The following ROBO2 variants were observed in gnomAD, a reference collection of about 807,000 sequenced individuals.
ROBO2 encodes the protein roundabout guidance receptor 2, also known as roundabout homolog 2.
A neutral mutation model predicts 160.8 loss-of-function variants in ROBO2; 53 were observed. That is an observed-to-expected ratio of 0.33 (90% CI 0.26 to 0.41). The LOEUF is 0.41. Ranked by LOEUF, ROBO2 falls within the 10% of genes least tolerant of loss-of-function variation. The pLI is 1.00. For synonymous variants in ROBO2, 664 were observed against 611.7 expected, an observed-to-expected ratio of 1.09 and a Z score of -1.26; for missense variants, 1,577 against 1,722.4, an observed-to-expected ratio of 0.92 and a Z score of 1.49.
intron 2 of ROBO2, chr3:76,434,724 G>A: frequency 9.3e-7 from 1 of 1,077,840 alleles, no homozygotes. Flanking sequence ...TCCTCCCCCA[G>A]TCTCTACCAG....
intron 2 of ROBO2, among the ~76,000 whole-genome samples, chr3:77,032,992 G>T (rs1271335250): frequency 6.6e-6 from 1 of 152,154 alleles, no homozygotes; most frequent in Non-Finnish European, 1.5e-5. Flanking sequence ...CATGATAGAG[G>T]ATTATTAGTA....
chr3:76,832,715 G>A (rs2067195909), intron 2 of ROBO2, among the ~76,000 whole-genome samples: 1 of 152,150 alleles, frequency 6.6e-6, no homozygotes, highest in African/African-American at 2.4e-5. Flanking sequence ...CTGGGTGTAT[G>A]TGGGGAGGTC....
intron 2 of ROBO2, among the ~76,000 whole-genome samples, chr3:76,227,092 G>A (rs4855977): frequency 0.89 from 134,518 of 151,948 alleles, 59,717 homozygotes; most frequent in East Asian, 0.96. Context: ...GCTCACTACA[G>A]TGAATCTGGA....
chr3:76,050,761 T>G (rs2067629068), intron 2 of ROBO2, among the ~76,000 whole-genome samples: 1 of 152,152 alleles, frequency 6.6e-6, no homozygotes, highest in Admixed American at 6.5e-5. Flanking sequence ...AATGCCTTCT[T>G]CCCTCCTACA....
At chr3:77,355,129 A>T (rs1206986856) in intron 2 of ROBO2, among the ~76,000 whole-genome samples, 1 of 151,116 alleles carries the variant, frequency 6.6e-6, no homozygotes, top group African/African-American at 2.4e-5. Context: ...TCCCATCCCC[A>T]TACCCTAGGA....
At chr3:75,930,115 T>G (rs1179893240) in intron 1 of ROBO2, among the ~76,000 whole-genome samples, 1 of 152,192 alleles carries the variant, frequency 6.6e-6, no homozygotes, top group Non-Finnish European at 1.5e-5. Flanking sequence ...TGTTCCCCAT[T>G]TTTTGACATC....
rs915724715 is a variant in ROBO2 at position 77,488,629 on chromosome 3, A to G, written c.668-4615A>G. On this transcript the variant is annotated intron_variant, in intron 4 of 25. Coordinates refer to ENST00000461745, the Ensembl canonical transcript of ROBO2. Reference sequence around the variant, plus strand: ...TATCAATGTATTGGATGGTTTTATTATCAACTTACTTTCTAATCCACCTAG... The same window carrying G: ...TATCAATGTATTGGATGGTTTTATTGTCAACTTACTTTCTAATCCACCTAG... Among the ~76,000 whole-genome samples the G allele has an allele frequency of 2.6e-5, 4 of 152,278 alleles. No homozygotes were observed. The South Asian group carries it at 8.3e-4, about 32-fold the overall frequency.
At chr3:77,572,031 G>A (rs1043796675) in intron 13 of ROBO2, among the ~76,000 whole-genome samples, 2 of 151,892 alleles carry the variant, frequency 1.3e-5, no homozygotes, top group Non-Finnish European at 2.9e-5. Flanking sequence ...ATGTTTTGTG[G>A]TAAACATTAG....
intron 5 of ROBO2, among the ~76,000 whole-genome samples, chr3:77,518,475 A>G (rs554320375): frequency 6.1e-4 from 92 of 151,674 alleles, no homozygotes; most frequent in Middle Eastern, 6.8e-3. Flanking sequence ...TTTTTAAATT[A>G]CAACATCCCA....
intron 1 of ROBO2, among the ~76,000 whole-genome samples, chr3:75,918,774 A>G (rs866981415): frequency 4.0e-5 from 6 of 151,712 alleles, no homozygotes; most frequent in African/African-American, 1.5e-4. Flanking sequence ...ATTCCTACGT[A>G]TTTTGTTTTC....
chr3:76,125,059 C>G (rs1294506141), intron 2 of ROBO2, among the ~76,000 whole-genome samples: 1 of 152,060 alleles, frequency 6.6e-6, no homozygotes, highest in Non-Finnish European at 1.5e-5. Flanking sequence ...CACGTGTGTT[C>G]AGTATTTAGC....
At chr3:77,248,887 T>C (rs1168738874) in intron 2 of ROBO2, among the ~76,000 whole-genome samples, 1 of 152,108 alleles carries the variant, frequency 6.6e-6, no homozygotes. Flanking sequence ...GTCATTACTT[T>C]TATTTTTTAA....
intron 2 of ROBO2, among the ~76,000 whole-genome samples, chr3:76,782,386 A>G (rs111785508): frequency 2.7e-5 from 4 of 150,690 alleles, no homozygotes; most frequent in Non-Finnish European, 4.5e-5. Context: ...AAACTTTTAT[A>G]TATGTCTATT....
chr3:77,252,831 A>AAAATATATATATATATATATAT, intron 2 of ROBO2, among the ~76,000 whole-genome samples: 4 of 12,510 alleles, frequency 3.2e-4, no homozygotes, highest in Non-Finnish European at 6.4e-4. Flanking sequence ...AAAAAAAAAA[A>AAAATATATATATATATATATAT]ATATATATAT....
chr3:77,072,216 C>G (rs956661188), intron 1 of ROBO2, among the ~76,000 whole-genome samples: 3 of 152,134 alleles, frequency 2.0e-5, no homozygotes, highest in African/African-American at 4.8e-5. Flanking sequence ...CCCATCCCCC[C>G]AGATGGGACT....
chr3:76,611,922 C>T (rs1206073007), intron 2 of ROBO2, among the ~76,000 whole-genome samples: 1 of 152,070 alleles, frequency 6.6e-6, no homozygotes, highest in African/African-American at 2.4e-5. Flanking sequence ...CTTGGTACTA[C>T]TTTTGCAGTA....
intron 23 of ROBO2, among the ~76,000 whole-genome samples, chr3:77,628,931 G>A (rs1225457055): frequency 6.6e-6 from 1 of 152,170 alleles, no homozygotes; most frequent in African/African-American, 2.4e-5. Flanking sequence ...CTTACAAGAA[G>A]TACAAAAGAA....
intron 2 of ROBO2, among the ~76,000 whole-genome samples, chr3:76,909,600 C>A (rs931732654): frequency 6.6e-6 from 1 of 152,202 alleles, no homozygotes; most frequent in African/African-American, 2.4e-5. Flanking sequence ...CTCAGCTACA[C>A]TTACTCTCAT....
chr3:76,736,236 C>A (rs928744499), intron 2 of ROBO2, among the ~76,000 whole-genome samples: 1 of 142,972 alleles, frequency 7.0e-6, no homozygotes, highest in Non-Finnish European at 1.5e-5. Flanking sequence ...GAGCCGAGAT[C>A]GCGTCCCTGC....
Sources: allele counts gnomAD v4.1 joint callset (sites outside exome capture counted in the v4.1 genomes callset), GRCh38; gene constraint gnomAD v4.1.1; transcripts MANE v1.5; gene names NCBI Gene and HGNC (gene_info 2026-07-23, HGNC 2026-07-21).